Variants in IRGM observed in about 807,000 individuals in gnomAD.
IRGM encodes the protein immunity related GTPase M.
For missense variants in IRGM, 288 were observed against 219.9 expected (o/e 1.31, Z -1.96); for synonymous variants, 98 against 80.6 (o/e 1.22, Z -1.16).
At position 150,846,695 on chromosome 5, in the gene IRGM, A is replaced by T. The variant is rs554899256; in HGVS notation, c.-941A>T. 1 of 147,884 alleles carries T rather than the reference A, an allele frequency of 6.8e-6. No homozygotes were observed. Among genetic ancestry groups the T allele is most frequent in the Non-Finnish European group, 1.5e-5 (1 of 67,924 alleles). 9.2% of individuals were successfully genotyped at this position (147,884 alleles called of 1,614,324 possible). A position where few individuals can be genotyped will look rare whatever the true frequency, so the allele number is the denominator to read the frequency against. On this transcript the variant is annotated 5_prime_UTR_variant, in exon 1 of 2. Coordinates refer to ENST00000522154, the MANE Select transcript of IRGM (RefSeq NM_001145805.2). ...CTGTGAAACAACGAACCCCCCGGGG[A>T]GAAACGAACAACTCCAGACTCGCCG... is the stretch of plus-strand genomic sequence containing the variant.
chr5:150,871,177 C>T (rs887468871), intron 1 of IRGM, among the ~76,000 whole-genome samples: 1 of 152,164 alleles, frequency 6.6e-6, no homozygotes, highest in Non-Finnish European at 1.5e-5. Context: ...TTTTTTCCAC[C>T]ATGACAGCCT....
At chr5:150,884,463 A>G (rs1754488445) in intron 3 of IRGM, among the ~76,000 whole-genome samples, 1 of 152,114 alleles carries the variant, frequency 6.6e-6, no homozygotes, top group Non-Finnish European at 1.5e-5. Flanking sequence ...TTTGAATGGT[A>G]GTTTTGCTTT....
rs759629951 is a variant in IRGM at position 150,882,369 on chromosome 5, C to T, written c.*140+2723C>T. 5.3e-4 allele frequency among the ~76,000 whole-genome samples: 81 copies of T among 152,022 alleles called. 1 individual carries two copies. The highest frequency in any genetic ancestry group is 9.2e-4 in the Admixed American group (14 of 15,270). ...ATAAAATGATAGTACTAACTTCTTA[C>T]TTATCAATAATTATCTTGAATGTAA... On this transcript the variant is annotated intron_variant and NMD_transcript_variant, in intron 3 of 3. Transcript: ENST00000520549.
intron 1 of IRGM, among the ~76,000 whole-genome samples, chr5:150,858,719 T>A (rs1173880154): frequency 2.0e-5 from 3 of 152,154 alleles, no homozygotes; most frequent in South Asian, 2.1e-4. Flanking sequence ...ATGATTTGGC[T>A]CTCTGTTTGT....
intron 1 of IRGM, among the ~76,000 whole-genome samples, chr5:150,861,443 T>TG (rs947944247): frequency 6.6e-6 from 1 of 152,168 alleles, no homozygotes; most frequent in African/African-American, 2.4e-5. Flanking sequence ...TTCAAACAAG[T>TG]CACAGGGCAG....
chr5:150,877,634 T>C (rs1327289677), intron 1 of IRGM, among the ~76,000 whole-genome samples: 2 of 152,088 alleles, frequency 1.3e-5, no homozygotes. Flanking sequence ...CTTTTAAAGA[T>C]GAAGAAATCA....
chr5:150,885,307 G>T (rs1754503862), intron 3 of IRGM, among the ~76,000 whole-genome samples: 2 of 151,688 alleles, frequency 1.3e-5, no homozygotes, highest in Admixed American at 1.3e-4. Flanking sequence ...AAGCCATTTT[G>T]GTTACTGCAG....
chr5:150,896,313 T>G (rs1357351969), intron 3 of IRGM: 2 of 1,613,554 alleles, frequency 1.2e-6, no homozygotes, highest in African/African-American at 2.7e-5. Context: ...AAGATGAAAC[T>G]TCTCACTGAA....
At chr5:150,884,033 G>A (rs1196733251) in intron 3 of IRGM, among the ~76,000 whole-genome samples, 4 of 151,838 alleles carry the variant, frequency 2.6e-5, no homozygotes, top group East Asian at 3.9e-4. Context: ...TAAATGGATC[G>A]CTCACCACAA....
intron 3 of IRGM, among the ~76,000 whole-genome samples, chr5:150,883,729 G>T (rs1754477661): frequency 6.6e-6 from 1 of 151,798 alleles, no homozygotes; most frequent in African/African-American, 2.4e-5. Context: ...AATAAGTAAG[G>T]TGATGAAAGT....
At chr5:150,878,117 G>A in intron 2 of IRGM, 1 of 418,128 alleles carries the variant, frequency 2.4e-6, no homozygotes, top group African/African-American at 2.1e-5. Flanking sequence ...CAGCTCAGGT[G>A]AGAAAAAAAA....
chr5:150,895,337 TG>T (rs1754716225), intron 3 of IRGM: 2 of 1,040,804 alleles, frequency 1.9e-6, no homozygotes, highest in Non-Finnish European at 2.7e-6. Flanking sequence ...TCTATTGGGA[TG>T]TTGTCCCCAA....
At chr5:150,896,739 A>G in intron 3 of IRGM, 2 of 1,613,508 alleles carry the variant, frequency 1.2e-6, no homozygotes, top group Non-Finnish European at 1.7e-6. Context: ...TATTTTCCCC[A>G]GTGGATTATA....
At position 150,847,850 on chromosome 5, in the gene IRGM, T is replaced by C; in HGVS notation, c.-274T>C. ...ATGGAGTCTTGCTCTGTTGCCAGGCTGGAGTGCAATGGCGTGATCTCAGCT... is the reference window on the plus strand; with the variant it reads ...ATGGAGTCTTGCTCTGTTGCCAGGCCGGAGTGCAATGGCGTGATCTCAGCT... On this transcript the variant is annotated 5_prime_UTR_variant, in exon 2 of 2. Transcript: ENST00000522154. 1 of 381,284 alleles carries C rather than the reference T, an allele frequency of 2.6e-6. No individual in the cohort carries two copies. The highest frequency in any genetic ancestry group is 4.8e-6 in the Non-Finnish European group (1 of 209,494). The allele number at this position is 381,284 out of a possible 1,614,324, so 23.6% of individuals were successfully genotyped here. A position where few individuals can be genotyped will look rare whatever the true frequency, so the allele number is the denominator to read the frequency against.
intron 3 of IRGM, among the ~76,000 whole-genome samples, chr5:150,885,765 T>G (rs1754511442): frequency 6.6e-6 from 1 of 152,156 alleles, no homozygotes; most frequent in Non-Finnish European, 1.5e-5. Context: ...AAACTGATTT[T>G]GCATCCTGAA....
intron 1 of IRGM, among the ~76,000 whole-genome samples, chr5:150,860,474 C>G (rs1754120590): frequency 6.6e-6 from 1 of 152,200 alleles, no homozygotes. Flanking sequence ...ATCCTAAATC[C>G]TAATAACTCC....
intron 3 of IRGM, chr5:150,897,988 G>C (rs1288964382): frequency 6.6e-7 from 1 of 1,524,052 alleles, no homozygotes; most frequent in Non-Finnish European, 8.8e-7. Context: ...AAGAATAGGA[G>C]ATTTTGATAA....
At chr5:150,865,469 T>C (rs936871658) in intron 1 of IRGM, among the ~76,000 whole-genome samples, 1 of 152,214 alleles carries the variant, frequency 6.6e-6, no homozygotes, top group Admixed American at 6.5e-5. Flanking sequence ...TTATAGCAGA[T>C]ATAGATTTTA....
chr5:150,870,994 G>A (rs1413547517), intron 1 of IRGM, among the ~76,000 whole-genome samples: 1 of 151,944 alleles, frequency 6.6e-6, no homozygotes, highest in African/African-American at 2.4e-5. Flanking sequence ...AAAAAAAGTG[G>A]TATGGTGGGA....
Sources: allele counts gnomAD v4.1 joint callset (sites outside exome capture counted in the v4.1 genomes callset), GRCh38; gene constraint gnomAD v4.1.1; transcripts MANE v1.5; gene names NCBI Gene and HGNC (gene_info 2026-07-23, HGNC 2026-07-21).